The following SDCCAG8 variants were observed in gnomAD, a reference collection of about 807,000 sequenced individuals.
SDCCAG8 encodes SHH signaling and ciliogenesis regulator SDCCAG8.
In SDCCAG8, 74 loss-of-function variants were observed where a neutral mutation model predicts 101.8. That is an observed-to-expected ratio of 0.73 (90% CI 0.60 to 0.88). SDCCAG8 has a LOEUF of 0.88. Among genes scored for constraint, SDCCAG8 ranks in the 40% least tolerant of loss-of-function variants. The pLI is 0.00. For synonymous variants in SDCCAG8, 281 were observed against 292.9 expected (o/e 0.96, Z 0.41); for missense variants, 787 against 822.6 (o/e 0.96, Z 0.53).
At chr1:243,449,830 G>A (rs2148123366) in intron 16 of SDCCAG8, among the ~76,000 whole-genome samples, 1 of 152,310 alleles carries the variant, frequency 6.6e-6, no homozygotes, top group Admixed American at 6.5e-5. Context: ...GACTGCAAAT[G>A]TGGCAACTCG....
chr1:243,271,830 C>T (rs1332352287), intron 3 of SDCCAG8, among the ~76,000 whole-genome samples: 1 of 152,084 alleles, frequency 6.6e-6, no homozygotes, highest in Non-Finnish European at 1.5e-5. Context: ...AGGTGTGAGC[C>T]ACCGCGCCTG....
chr1:243,463,497 T>C (rs1363147939), intron 16 of SDCCAG8, among the ~76,000 whole-genome samples: 1 of 152,220 alleles, frequency 6.6e-6, no homozygotes, highest in Non-Finnish European at 1.5e-5. Flanking sequence ...CTGGACCTCC[T>C]GACTGCCCAG....
At chr1:243,496,005 GAAAA>G (rs1214946919) in intron 17 of SDCCAG8, among the ~76,000 whole-genome samples, 1 of 152,126 alleles carries the variant, frequency 6.6e-6, no homozygotes, top group East Asian at 1.9e-4. Flanking sequence ...TTCTGGCAGA[GAAAA>G]AGAAAGAACC....
chr1:243,424,882 A>G (rs1355286650), intron 15 of SDCCAG8, among the ~76,000 whole-genome samples: 6 of 151,954 alleles, frequency 3.9e-5, no homozygotes, highest in East Asian at 3.8e-4. Context: ...GAAAAGATCA[A>G]TGTTCTGCAT....
chr1:243,348,449 G>C (rs952389573), intron 12 of SDCCAG8, among the ~76,000 whole-genome samples: 13 of 151,684 alleles, frequency 8.6e-5, no homozygotes, highest in Non-Finnish European at 1.8e-4. Flanking sequence ...TTCTGCCAGG[G>C]GCAAAAGACA....
At chr1:243,402,239 C>A (rs2079447822) in intron 13 of SDCCAG8, among the ~76,000 whole-genome samples, 1 of 152,016 alleles carries the variant, frequency 6.6e-6, no homozygotes, top group Admixed American at 6.6e-5. Flanking sequence ...ACCAGCCTAG[C>A]CAACATCGGG....
At chr1:243,281,450 G>T (rs1248997794) in intron 4 of SDCCAG8, among the ~76,000 whole-genome samples, 2 of 151,046 alleles carry the variant, frequency 1.3e-5, no homozygotes, top group African/African-American at 4.9e-5. Flanking sequence ...TAGGCTTCTT[G>T]TAGACAACAT....
At chr1:243,286,418 T>C (rs1195183562) in intron 5 of SDCCAG8, 21 bp downstream of exon 5, 1 of 1,613,024 alleles carries the variant, frequency 6.2e-7, no homozygotes, top group Non-Finnish European at 8.5e-7. Flanking sequence ...TTTTAAATCA[T>C]AAATTTTATT....
At chr1:243,373,208 C>T (rs1003608023) in intron 12 of SDCCAG8, among the ~76,000 whole-genome samples, 1 of 151,934 alleles carries the variant, frequency 6.6e-6, no homozygotes, top group Non-Finnish European at 1.5e-5. Context: ...GCAGTGAAGT[C>T]AGAAGATCTG....
intron 6 of SDCCAG8, 111 bp downstream of exon 6, chr1:243,293,330 T>G (rs1378554652): frequency 3.6e-6 from 4 of 1,105,502 alleles, no homozygotes; most frequent in Non-Finnish European, 5.4e-6. Context: ...TATAACCATT[T>G]TTAAGCGTAC....
At chr1:243,473,941 C>CGGGGGGGGG in intron 16 of SDCCAG8, among the ~76,000 whole-genome samples, 1 of 20,008 alleles carries the variant, frequency 5.0e-5, no homozygotes, top group South Asian at 2.2e-3. Context: ...GGGGGGGGGC[C>CGGGGGGGGG]GGGGGAGTAC....
At chr1:243,393,274 TGGGCAGCAG>T (rs1005809867) in intron 13 of SDCCAG8, among the ~76,000 whole-genome samples, 3 of 152,062 alleles carry the variant, frequency 2.0e-5, no homozygotes, top group Non-Finnish European at 4.4e-5. Context: ...GTTAGGTTGC[TGGGCAGCAG>T]CCATCTTGTG....
At chr1:243,360,096 G>C (rs967416601) in intron 12 of SDCCAG8, among the ~76,000 whole-genome samples, 1 of 149,684 alleles carries the variant, frequency 6.7e-6, no homozygotes, top group African/African-American at 2.5e-5. Flanking sequence ...CACTGCTACC[G>C]TCTAGTTCAA....
chr1:243,262,421 T>C (rs538002492), intron 1 of SDCCAG8, among the ~76,000 whole-genome samples: 217 of 152,280 alleles, frequency 1.4e-3, no homozygotes, highest in Non-Finnish European at 2.7e-3. Flanking sequence ...TGGCTCTTCT[T>C]AGTGCCTTTA....
chr1:243,394,573 A>T lies in SDCCAG8; in HGVS notation c.1616+15710A>T, dbSNP rs935204399. 2.0e-5 allele frequency among the ~76,000 whole-genome samples: 3 copies of T among 148,748 alleles called. No individual in the cohort carries two copies. The South Asian group carries it at 6.2e-4, about 31-fold the overall frequency. On this transcript the variant is annotated intron_variant, in intron 13 of 17. Coordinates refer to ENST00000366541, the MANE Select transcript of SDCCAG8 (RefSeq NM_006642.5). ...CATAAATATATAGGCAGAAAAACAA[A>T]TAAACCAGAGAAAATTACAGTATTT...
chr1:243,332,756 T>C lies in SDCCAG8; in HGVS notation c.1221+2064T>C, dbSNP rs150865431. Among the ~76,000 whole-genome samples, 247 of 146,004 alleles carry C rather than the reference T, an allele frequency of 1.7e-3. 1 individual carries two copies. Among genetic ancestry groups the C allele is most frequent in the African/African-American group, 5.4e-3 (213 of 39,310 alleles). ...GCGGTCCAGGTCTGGAGGTGATTAT[T>C]GTGGTCCGGGTCTGGAGGTGATTAT... On this transcript the variant is annotated intron_variant, in intron 10 of 17. Transcript: ENST00000366541.
At chr1:243,300,651 T>C (rs1378315163) in intron 6 of SDCCAG8, among the ~76,000 whole-genome samples, 2 of 152,206 alleles carry the variant, frequency 1.3e-5, no homozygotes, top group African/African-American at 2.4e-5. Flanking sequence ...CTACTTACTT[T>C]CCAAACATGG....
chr1:243,285,782 T>C (rs2069552767), intron 4 of SDCCAG8, among the ~76,000 whole-genome samples: 1 of 152,238 alleles, frequency 6.6e-6, no homozygotes, highest in Non-Finnish European at 1.5e-5. Flanking sequence ...CAATTCTCCA[T>C]GAAATGTTTT....
intron 4 of SDCCAG8, among the ~76,000 whole-genome samples, chr1:243,276,444 G>T (rs530255158): frequency 6.6e-6 from 1 of 152,218 alleles, no homozygotes; most frequent in South Asian, 2.1e-4. Context: ...TGTTTAAGTG[G>T]TTTAGAAAGA....
Sources: gnomAD v4.1 joint callset for allele counts (sites outside exome capture counted in the v4.1 genomes callset) on GRCh38, gnomAD v4.1.1 for gene constraint, MANE v1.5 for transcripts, NCBI Gene and HGNC (gene_info 2026-07-23, HGNC 2026-07-21) for gene names.